The following GDAP1 variants were observed in gnomAD, a reference collection of about 807,000 sequenced individuals.
GDAP1 encodes the protein ganglioside induced differentiation associated protein 1.
GDAP1 carries 34 observed loss-of-function variants against 40.1 expected under a neutral mutation model. The ratio of observed to expected loss-of-function variants is 0.85; its 90% CI spans 0.64 to 1.13. The LOEUF is 1.13. Among genes scored for constraint, GDAP1 ranks in the 50% most tolerant of loss-of-function variants. GDAP1 has a pLI of 0.00. For missense variants in GDAP1, 374 were observed against 433.7 expected, an observed-to-expected ratio of 0.86 and a Z score of 1.22; for synonymous variants, 170 against 157.4, an observed-to-expected ratio of 1.08 and a Z score of -0.60.
chr8:74,359,507 CA>C (rs1317092545), intron 2 of GDAP1, among the ~76,000 whole-genome samples: 1 of 152,228 alleles, frequency 6.6e-6, no homozygotes, highest in Middle Eastern at 3.2e-3. Flanking sequence ...GATATTTGAG[CA>C]AAGGCCTTTC....
downstream of GDAP1, chr8:74,366,913 A>AT (rs886063118): frequency 2.1e-5 from 8 of 379,608 alleles, no homozygotes; most frequent in Non-Finnish European, 2.5e-5. Flanking sequence ...AAACAGATAT[A>AT]TTTTTTTCAT....
chr8:74,389,927 A>T (rs1810081441), intron 2 of GDAP1, among the ~76,000 whole-genome samples: 1 of 151,850 alleles, frequency 6.6e-6, no homozygotes, highest in Non-Finnish European at 1.5e-5. Flanking sequence ...CATTAAGTTG[A>T]TCTTCAATCT....
Position 74,366,145 on chromosome 8 carries a change from G to A in GDAP1, c.*1778G>A, listed in dbSNP as rs1272213290. 1 of 452,004 alleles carries A rather than the reference G, an allele frequency of 2.2e-6. No individual in the cohort carries two copies. Among genetic ancestry groups the A allele is most frequent in the Admixed American group, 2.4e-5 (1 of 42,152 alleles). The allele number at this position is 452,004 out of a possible 1,614,324, so 28.0% of individuals were successfully genotyped here. On this transcript the variant is annotated 3_prime_UTR_variant, in exon 6 of 6. Coordinates refer to ENST00000220822, the MANE Select transcript of GDAP1 (RefSeq NM_018972.4). ...AATTTATATTATTCCTGAATCATAGGGAATCTTTCTAGAATGTGTTTATAA... is the reference window on the plus strand; with the variant it reads ...AATTTATATTATTCCTGAATCATAGAGAATCTTTCTAGAATGTGTTTATAA...
chr8:74,383,706 A>G (rs1396955375), intron 2 of GDAP1, among the ~76,000 whole-genome samples: 1 of 152,018 alleles, frequency 6.6e-6, no homozygotes, highest in African/African-American at 2.4e-5. Context: ...CCTCTTTTCC[A>G]TACTCTCTCC....
chr8:74,482,718 G>A (rs1451952360), intron 2 of GDAP1, among the ~76,000 whole-genome samples: 1 of 152,146 alleles, frequency 6.6e-6, no homozygotes, highest in East Asian at 1.9e-4. Flanking sequence ...TATTGTAAGT[G>A]AGAAAGGCAC....
rs185884686 is a variant in GDAP1, at chr8:74,437,602, G to A, written c.166-51076G>A. On this transcript the variant is annotated intron_variant, in intron 2 of 2. Transcript: ENST00000523640. Reference sequence around the variant, plus strand: ...TGAGTTTTCCTTTTTATTAGTTCTGGTATGTTTTCATTCATATATCTATAA... The same window carrying A: ...TGAGTTTTCCTTTTTATTAGTTCTGATATGTTTTCATTCATATATCTATAA... 1.2e-4 allele frequency among the ~76,000 whole-genome samples: 18 copies of A among 151,772 alleles called. No individual in the cohort carries two copies. In the South Asian group the frequency reaches 1.5e-3, roughly 12 times the overall value.
intron 2 of GDAP1, among the ~76,000 whole-genome samples, chr8:74,476,633 G>T (rs753847546): frequency 2.0e-5 from 3 of 152,184 alleles, no homozygotes; most frequent in African/African-American, 7.2e-5. Flanking sequence ...GGCTTGTAGG[G>T]TTTCTGCTGA....
intron 2 of GDAP1, among the ~76,000 whole-genome samples, chr8:74,405,945 C>T (rs1250030735): frequency 6.7e-6 from 1 of 149,758 alleles, no homozygotes; most frequent in Non-Finnish European, 1.5e-5. Context: ...AATAGATATC[C>T]GATGAGACAT....
chr8:74,387,754 T>C lies in GDAP1; in HGVS notation c.165+36433T>C, dbSNP rs181456334. Among the ~76,000 whole-genome samples the C allele has an allele frequency of 2.5e-3, 386 of 152,304 alleles. 3 individuals are homozygous for C. Among genetic ancestry groups the C allele is most frequent in the Middle Eastern group, 3.4e-3 (1 of 294 alleles). ...TTGTTTGGAGTAGTTTCAGAAGGAA[T>C]GGTACCAGCTCCTCTTTTTACCCCT... On this transcript the variant is annotated intron_variant, in intron 2 of 2. Transcript: ENST00000523640.
intron 2 of GDAP1, among the ~76,000 whole-genome samples, chr8:74,417,981 C>T (rs1446927594): frequency 1.3e-5 from 2 of 151,970 alleles, no homozygotes; most frequent in East Asian, 1.9e-4. Context: ...TCTAGCAAAA[C>T]AAGTACTGGG....
chr8:74,475,027 G>A (rs1268874134), intron 2 of GDAP1, among the ~76,000 whole-genome samples: 3 of 152,050 alleles, frequency 2.0e-5, no homozygotes, highest in Admixed American at 6.6e-5. Context: ...GTGTCCAGGA[G>A]TTTATCCATT....
chr8:74,396,281 A>AC (rs1810197880), intron 2 of GDAP1, among the ~76,000 whole-genome samples: 2 of 151,810 alleles, frequency 1.3e-5, no homozygotes, highest in Non-Finnish European at 2.9e-5. Flanking sequence ...TTCCAATGTC[A>AC]TATTATTTTA....
intron 2 of GDAP1, among the ~76,000 whole-genome samples, chr8:74,423,383 T>C (rs1034711807): frequency 1.4e-5 from 2 of 147,286 alleles, no homozygotes; most frequent in Admixed American, 1.4e-4. Flanking sequence ...AGTATATATG[T>C]ATACTGTATA....
intron 2 of GDAP1, among the ~76,000 whole-genome samples, chr8:74,477,691 G>A (rs765340167): frequency 6.6e-6 from 1 of 152,252 alleles, no homozygotes; most frequent in African/African-American, 2.4e-5. Context: ...CAGACTGCTG[G>A]TCACAACACT....
At chr8:74,374,885 A>T (rs968069511) in intron 2 of GDAP1, among the ~76,000 whole-genome samples, 1 of 152,218 alleles carries the variant, frequency 6.6e-6, no homozygotes, top group African/African-American at 2.4e-5. Flanking sequence ...TTCAAGGCCT[A>T]AATGGTTTTA....
intron 2 of GDAP1, among the ~76,000 whole-genome samples, chr8:74,473,977 T>C (rs1254306646): frequency 1.3e-5 from 2 of 152,140 alleles, no homozygotes; most frequent in Non-Finnish European, 2.9e-5. Context: ...CACCTCTGTT[T>C]CCTTGAGTTT....
At chr8:74,359,664 G>A (rs560834396) in intron 2 of GDAP1, among the ~76,000 whole-genome samples, 1 of 152,330 alleles carries the variant, frequency 6.6e-6, no homozygotes, top group Non-Finnish European at 1.5e-5. Flanking sequence ...AGGGCCTCAA[G>A]TGTGTGGAGA....
chr8:74,449,707 T>G (rs1806273955), intron 2 of GDAP1, among the ~76,000 whole-genome samples: 1 of 151,838 alleles, frequency 6.6e-6, no homozygotes, highest in Non-Finnish European at 1.5e-5. Context: ...TTTTGTATTT[T>G]TATGTGCAGA....
At chr8:74,355,403 T>G (rs569785799) in intron 2 of GDAP1, among the ~76,000 whole-genome samples, 16 of 152,260 alleles carry the variant, frequency 1.1e-4, no homozygotes, top group South Asian at 2.1e-4. Context: ...ATAAGTTTGC[T>G]GATAATTCCA....
Sources: gnomAD v4.1 joint callset for allele counts (sites outside exome capture counted in the v4.1 genomes callset) on GRCh38, gnomAD v4.1.1 for gene constraint, MANE v1.5 for transcripts, NCBI Gene and HGNC (gene_info 2026-07-23, HGNC 2026-07-21) for gene names.